DIS3L2: variants seen among roughly 807,000 people sequenced by gnomAD.
DIS3L2 encodes the protein DIS3 like 3'-5' exoribonuclease 2, also known as DIS3-like exonuclease 2.
A neutral mutation model predicts 97.5 loss-of-function variants in DIS3L2; 34 were observed. The ratio of observed to expected loss-of-function variants is 0.35; its 90% CI spans 0.27 to 0.46. The LOEUF is 0.46. Ranked by LOEUF, DIS3L2 falls within the 20% of genes least tolerant of loss-of-function variation. The pLI is 1.00. For missense variants in DIS3L2, 1,038 were observed against 1,146.0 expected (o/e 0.91, Z 1.36); for synonymous variants, 435 against 445.2 (o/e 0.98, Z 0.29).
At chr2:232,328,493 GCTCT>G (rs1201472122) in intron 14 of DIS3L2, 1 of 152,168 alleles carries the variant, frequency 6.6e-6, no homozygotes, top group African/African-American at 2.4e-5. Flanking sequence ...ATATGCCAGG[GCTCT>G]CTCTCTCGGT....
At chr2:232,124,602 G>A (rs1450444994) in intron 6 of DIS3L2, among the ~76,000 whole-genome samples, 3 of 152,128 alleles carry the variant, frequency 2.0e-5, no homozygotes, top group Non-Finnish European at 4.4e-5. Flanking sequence ...AGAACAGAGT[G>A]AGAAGGTTTA....
At chr2:232,192,265 A>G (rs1691635764) in intron 9 of DIS3L2, among the ~76,000 whole-genome samples, 1 of 151,936 alleles carries the variant, frequency 6.6e-6, no homozygotes, top group Non-Finnish European at 1.5e-5. Context: ...ACTTGTCCTT[A>G]TTTTTCAGAT....
chr2:232,145,910 C>T (rs977260626), intron 8 of DIS3L2, among the ~76,000 whole-genome samples: 1 of 152,078 alleles, frequency 6.6e-6, no homozygotes, highest in Non-Finnish European at 1.5e-5. Context: ...ATGATCCCCC[C>T]CATCTATTGA....
rs541238085 is a variant in DIS3L2 at position 232,027,689 on chromosome 2, T to C, written c.265-2290T>C. 5.3e-5 allele frequency among the ~76,000 whole-genome samples: 8 copies of C among 152,266 alleles called. No individual in the cohort carries two copies. In the South Asian group the frequency reaches 1.7e-3, roughly 32 times the overall value. On this transcript the variant is annotated intron_variant, in intron 4 of 20. Transcript: ENST00000325385. ...GCAGGTATAAAATAATACTTTGTTT[T>C]AGGGGAACTTGACTTAGGTTCATTA... is the stretch of plus-strand genomic sequence containing the variant.
intron 5 of DIS3L2, among the ~76,000 whole-genome samples, chr2:232,077,025 CTCT>C (rs1425393703): frequency 1.3e-5 from 2 of 152,274 alleles, no homozygotes; most frequent in Non-Finnish European, 1.5e-5. Context: ...AGCAGGGTGT[CTCT>C]TCTTCTCCTG....
chr2:232,258,459 C>T (rs1463963756), intron 12 of DIS3L2, among the ~76,000 whole-genome samples: 1 of 152,082 alleles, frequency 6.6e-6, no homozygotes, highest in East Asian at 1.9e-4. Flanking sequence ...TGGCATGTGC[C>T]TGTAGTCCCA....
intron 7 of DIS3L2, among the ~76,000 whole-genome samples, chr2:232,133,596 T>C (rs1387395440): frequency 6.6e-6 from 1 of 152,142 alleles, no homozygotes; most frequent in Non-Finnish European, 1.5e-5. Context: ...TACCCAACAA[T>C]GATTTAAAAA....
chr2:232,205,212 A>ATG (rs1691996628), intron 9 of DIS3L2, among the ~76,000 whole-genome samples: 2 of 16,154 alleles, frequency 1.2e-4, no homozygotes, highest in Non-Finnish European at 1.9e-4. Flanking sequence ...GGCAGTTTAC[A>ATG]TATATATATA....
At chr2:232,140,125 T>G (rs138753461) in intron 8 of DIS3L2, among the ~76,000 whole-genome samples, 456 of 152,290 alleles carry the variant, frequency 3.0e-3, no homozygotes, top group African/African-American at 0.01. Context: ...TCCAAACTTT[T>G]GCACATTACA....
chr2:231,976,349 G>T (rs1208331151), intron 1 of DIS3L2, among the ~76,000 whole-genome samples: 1 of 152,100 alleles, frequency 6.6e-6, no homozygotes. Context: ...CATAGATTGG[G>T]CCAGGCACGG....
At chr2:232,085,676 G>A (rs1013704229) in intron 5 of DIS3L2, among the ~76,000 whole-genome samples, 1 of 152,160 alleles carries the variant, frequency 6.6e-6, no homozygotes, top group Admixed American at 6.5e-5. Flanking sequence ...AGATTTACAT[G>A]TAGGGTCACA....
chr2:232,051,496 C>T (rs1359420214), intron 5 of DIS3L2, among the ~76,000 whole-genome samples: 4 of 152,114 alleles, frequency 2.6e-5, no homozygotes, highest in African/African-American at 9.7e-5. Flanking sequence ...AGTGATCTTA[C>T]AAAGCAGAAA....
intron 1 of DIS3L2, among the ~76,000 whole-genome samples, chr2:232,000,343 T>C (rs904441242): frequency 1.3e-5 from 2 of 152,222 alleles, no homozygotes; most frequent in Non-Finnish European, 2.9e-5. Context: ...GTTGCCGTGA[T>C]ATACAATAGA....
chr2:231,991,351 C>T (rs1354421286), intron 1 of DIS3L2, among the ~76,000 whole-genome samples: 1 of 152,122 alleles, frequency 6.6e-6, no homozygotes, highest in Non-Finnish European at 1.5e-5. Context: ...TAGCTTACTG[C>T]ACTCTTGAAC....
chr2:232,333,414 C>T (rs1695829788), intron 16 of DIS3L2, among the ~76,000 whole-genome samples: 1 of 151,712 alleles, frequency 6.6e-6, no homozygotes, highest in African/African-American at 2.4e-5. Context: ...GCCAGAGACT[C>T]TTCCCTCCTG....
Position 232,302,420 on chromosome 2 carries a change from T to C in DIS3L2, c.1739+2301T>C, listed in dbSNP as rs540718176. 1.5e-4 allele frequency among the ~76,000 whole-genome samples: 23 copies of C among 151,936 alleles called. 1 individual carries two copies. The South Asian group carries it at 1.9e-3, about 12-fold the overall frequency. ...AAAAAAGGAAAAGAAAAAAGTATGG[T>C]GATCAAATGCTTTGGTGACTGCTTT... On this transcript the variant is annotated intron_variant, in intron 14 of 20. Transcript: ENST00000325385.
At chr2:232,337,900 C>T (rs1303631150), downstream of DIS3L2, among the ~76,000 whole-genome samples, 1 of 151,236 alleles carries the variant, frequency 6.6e-6, no homozygotes, top group Non-Finnish European at 1.5e-5. Context: ...GCCCTGGGAG[C>T]CTTTCCCTCC....
At chr2:232,102,980 G>A (rs1481882726) in intron 6 of DIS3L2, among the ~76,000 whole-genome samples, 1 of 152,116 alleles carries the variant, frequency 6.6e-6, no homozygotes, top group Admixed American at 6.5e-5. Flanking sequence ...AAAATCTTGA[G>A]TAAAGATTTT....
In DIS3L2 at chr2:232,337,035, G is replaced by A. The variant is rs575275018; in HGVS notation, c.*405G>A. On this transcript the variant is annotated 3_prime_UTR_variant, in exon 21 of 21. Coordinates refer to ENST00000325385, the MANE Select transcript of DIS3L2 (RefSeq NM_152383.5). ...GCAGCAGAATGCCCCTTGCACCCAG[G>A]GCAAGGGACCCAGTTCAGGCTTCAC... The A allele has an allele frequency of 2.2e-5, 23 of 1,067,432 alleles. No individual in the cohort carries two copies. The African/African-American group carries it at 4.0e-4, about 18-fold the overall frequency. 66.1% of individuals were successfully genotyped at this position (1,067,432 alleles called of 1,614,324 possible). A position where few individuals can be genotyped will look rare whatever the true frequency, so the allele number is the denominator to read the frequency against.
Sources: allele counts gnomAD v4.1 joint callset (sites outside exome capture counted in the v4.1 genomes callset), GRCh38; gene constraint gnomAD v4.1.1; transcripts MANE v1.5; gene names NCBI Gene and HGNC (gene_info 2026-07-23, HGNC 2026-07-21).